Variants in CDH13 observed in about 807,000 individuals in gnomAD.
CDH13 encodes the protein cadherin-13.
A neutral mutation model predicts 63.8 loss-of-function variants in CDH13; 24 were observed. The ratio of observed to expected loss-of-function variants is 0.38; its 90% confidence interval spans 0.27 to 0.53. The LOEUF (loss-of-function observed/expected upper bound fraction) is 0.53. CDH13 is among the 20% of genes least tolerant of loss of function. The pLI is 0.85. For synonymous variants in CDH13, 503 were observed against 355.3 expected (o/e 1.42, Z -4.67); for missense variants, 1,049 against 903.1 (o/e 1.16, Z -2.07).
At chr16:82,820,162 A>G (rs568423073) in intron 1 of CDH13, among the ~76,000 whole-genome samples, 4 of 152,282 alleles carry the variant, frequency 2.6e-5, no homozygotes, top group African/African-American at 9.6e-5. Context: ...ATGATTAAAT[A>G]TCATTGATTT....
chr16:83,325,854 C>T (rs572792977), intron 5 of CDH13, among the ~76,000 whole-genome samples: 62 of 152,288 alleles, frequency 4.1e-4, no homozygotes, highest in African/African-American at 1.4e-3. Context: ...TATGTTGCTG[C>T]ATGCCTTCGG....
At chr16:82,849,177 T>G (rs749356380) in intron 1 of CDH13, among the ~76,000 whole-genome samples, 4 of 152,154 alleles carry the variant, frequency 2.6e-5, no homozygotes, top group Non-Finnish European at 5.9e-5. Context: ...GTGTGTGACA[T>G]TTAAGTAAAG....
intron 7 of CDH13, among the ~76,000 whole-genome samples, chr16:83,592,633 C>T (rs575308264): frequency 6.6e-6 from 1 of 152,190 alleles, no homozygotes; most frequent in Non-Finnish European, 1.5e-5. Flanking sequence ...ATCATTTAGG[C>T]TATTCCAGCC....
At chr16:83,113,789 C>T (rs775870955) in intron 3 of CDH13, among the ~76,000 whole-genome samples, 3 of 152,122 alleles carry the variant, frequency 2.0e-5, no homozygotes, top group Non-Finnish European at 4.4e-5. Flanking sequence ...CAGACAAGCA[C>T]CTGCAATTGG....
intron 4 of CDH13, among the ~76,000 whole-genome samples, chr16:83,208,282 A>T (rs77697212): frequency 0.013 from 2,016 of 152,332 alleles, 45 homozygotes; most frequent in African/African-American, 0.045. Context: ...GTTGAGCAGC[A>T]TAAGGGTGAG....
chr16:82,974,341 A>G (rs9931933), intron 2 of CDH13, among the ~76,000 whole-genome samples: 2,323 of 152,076 alleles, frequency 0.015, 50 homozygotes, highest in African/African-American at 0.054. Context: ...TCACTTTTCC[A>G]TTGTCTCCAT....
chr16:83,169,833 A>G lies in CDH13; in HGVS notation c.483+44332A>G, dbSNP rs142116710. ...TCCTTATGCGTATTCTCTTGTTTAT[A>G]CAATTAACAATCTTGGCCTGTTCCA... On this transcript the variant is annotated intron_variant, in intron 4 of 13. Coordinates refer to ENST00000567109, the MANE Select transcript of CDH13 (RefSeq NM_001257.5). Among the ~76,000 whole-genome samples the G allele has an allele frequency of 3.7e-4, 57 of 152,224 alleles. No individual in the cohort carries two copies. The East Asian group carries it at 0.01, about 28-fold the overall frequency.
At chr16:83,382,780 C>T (rs747148920) in intron 6 of CDH13, among the ~76,000 whole-genome samples, 16 of 152,276 alleles carry the variant, frequency 1.1e-4, no homozygotes, top group Admixed American at 2.0e-4. Context: ...ATATCTGGCC[C>T]AGGATTCCAT....
chr16:83,430,974 C>G (rs930496055), intron 6 of CDH13, among the ~76,000 whole-genome samples: 4 of 142,380 alleles, frequency 2.8e-5, no homozygotes, highest in Non-Finnish European at 6.1e-5. Context: ...CCCCTCCCCC[C>G]ACCTCACAAC....
intron 4 of CDH13, among the ~76,000 whole-genome samples, chr16:83,168,848 A>G (rs1395995550): frequency 2.0e-5 from 3 of 152,138 alleles, no homozygotes; most frequent in Admixed American, 6.6e-5. Flanking sequence ...CTTCCAAACC[A>G]TGATATTTAA....
At chr16:82,766,108 C>G (rs2035044435) in intron 1 of CDH13, among the ~76,000 whole-genome samples, 1 of 152,226 alleles carries the variant, frequency 6.6e-6, no homozygotes, top group Non-Finnish European at 1.5e-5. Context: ...TCCTCACCAC[C>G]TCACTTCTGT....
chr16:83,246,073 G>A (rs1415972813), intron 5 of CDH13, among the ~76,000 whole-genome samples: 1 of 152,140 alleles, frequency 6.6e-6, no homozygotes, highest in Admixed American at 6.5e-5. Flanking sequence ...GATGTCTTTT[G>A]TCCCAACCAG....
chr16:83,693,330 C>T (rs77768183), intron 10 of CDH13, among the ~76,000 whole-genome samples: 5 of 152,266 alleles, frequency 3.3e-5, no homozygotes, highest in Middle Eastern at 3.4e-3. Flanking sequence ...ACACAGTGCA[C>T]GGTACATAGC....
At chr16:83,148,673 T>C (rs2036853032) in intron 4 of CDH13, among the ~76,000 whole-genome samples, 2 of 152,202 alleles carry the variant, frequency 1.3e-5, no homozygotes, top group South Asian at 4.1e-4. Context: ...CAGTATGGTG[T>C]TATTATTATT....
intron 3 of CDH13, among the ~76,000 whole-genome samples, chr16:83,113,494 A>T (rs2035159541): frequency 1.3e-5 from 2 of 152,354 alleles, no homozygotes; most frequent in South Asian, 2.1e-4. Flanking sequence ...GCTAGGCACC[A>T]GGGGGCGTAG....
At chr16:83,437,372 T>C (rs1161914871) in intron 6 of CDH13, among the ~76,000 whole-genome samples, 4 of 152,122 alleles carry the variant, frequency 2.6e-5, no homozygotes, top group Admixed American at 6.6e-5. Flanking sequence ...AATGTACATA[T>C]TCGATTAATA....
chr16:83,544,342 C>A (rs1215770416), intron 7 of CDH13, among the ~76,000 whole-genome samples: 1 of 152,078 alleles, frequency 6.6e-6, no homozygotes, highest in Admixed American at 6.6e-5. Flanking sequence ...GATTCCTGCT[C>A]CAACATTTCC....
At chr16:82,837,901 A>T (rs1348793560) in intron 1 of CDH13, among the ~76,000 whole-genome samples, 2 of 152,252 alleles carry the variant, frequency 1.3e-5, no homozygotes, top group Non-Finnish European at 2.9e-5. Flanking sequence ...AAGTTCCCAG[A>T]TGCCAGCCAA....
At chr16:83,504,658 C>T (rs1261048514) in intron 7 of CDH13, among the ~76,000 whole-genome samples, 3 of 152,192 alleles carry the variant, frequency 2.0e-5, no homozygotes, top group Non-Finnish European at 2.9e-5. Context: ...TGGCAGGTAG[C>T]GGGAGATAAC....
Sources: gnomAD v4.1 joint callset for allele counts (sites outside exome capture counted in the v4.1 genomes callset) on GRCh38, gnomAD v4.1.1 for gene constraint, MANE v1.5 for transcripts, NCBI Gene and HGNC (gene_info 2026-07-23, HGNC 2026-07-21) for gene names.